HERC4: variants seen among roughly 807,000 people sequenced by gnomAD.
HERC4 encodes probable E3 ubiquitin-protein ligase HERC4.
Under a neutral mutation model 124.3 loss-of-function variants are expected in HERC4, and 28 were observed. The ratio of observed to expected loss-of-function variants is 0.23; its 90% confidence interval spans 0.17 to 0.31. The LOEUF (loss-of-function observed/expected upper bound fraction) is 0.31. Ranked by LOEUF, HERC4 falls within the 10% of genes least tolerant of loss-of-function variation. The pLI is 1.00. For missense variants in HERC4, 713 were observed against 1,229.3 expected, an observed-to-expected ratio of 0.58 and a Z score of 6.28; for synonymous variants, 407 against 421.5, an observed-to-expected ratio of 0.97 and a Z score of 0.42.
At chr10:68,012,803 A>C (rs542411) in intron 9 of HERC4, among the ~76,000 whole-genome samples, 71,286 of 152,116 alleles carry the variant, frequency 0.47, 20,738 homozygotes, top group Non-Finnish European at 0.66. Context: ...ATTTGTAAAA[A>C]TTCAGTATCA....
chr10:68,010,717 C>A, intron 9 of HERC4: 10 of 1,486,312 alleles, frequency 6.7e-6, no homozygotes, highest in Non-Finnish European at 8.3e-6. Context: ...GCTGTTGAGC[C>A]TCAAAGAGGC....
At chr10:68,040,333 CCT>C in intron 4 of HERC4, 1 of 953,564 alleles carries the variant, frequency 1.0e-6, no homozygotes, top group Non-Finnish European at 1.2e-6. Context: ...AAAACTATCC[CCT>C]TTCATCTTCA....
intron 4 of HERC4, chr10:68,039,957 C>G: frequency 2.4e-6 from 2 of 817,102 alleles, no homozygotes; most frequent in Non-Finnish European, 3.0e-6. Flanking sequence ...GCATTTATCG[C>G]TACTAACCAC....
In HERC4 at chr10:68,012,130, T is replaced by C. The variant is rs570221526; in HGVS notation, c.1069+1896A>G. 7.2e-5 allele frequency among the ~76,000 whole-genome samples: 11 copies of C among 152,358 alleles called. No individual in the cohort carries two copies. In the South Asian group the frequency reaches 2.3e-3, roughly 32 times the overall value. On this transcript the variant is annotated intron_variant, in intron 9 of 24. Coordinates refer to ENST00000373700, the MANE Select transcript of HERC4 (RefSeq NM_015601.4). ...CTTGAAGAGAGTTAGAATCTTGGTC[T>C]GGATTAGACTTTGGCTAATCCTAAT...
At chr10:68,057,288 T>A (rs1004213391) in intron 3 of HERC4, among the ~76,000 whole-genome samples, 2 of 152,098 alleles carry the variant, frequency 1.3e-5, no homozygotes, top group African/African-American at 4.8e-5. Flanking sequence ...AAACCATGCA[T>A]TCTACATTTT....
rs1564608843 is a variant in HERC4, at chr10:68,059,711, CATAATATTATATATTATATATCATA to C, written c.226+13147_226+13171del. On this transcript the variant is annotated intron_variant, in intron 3 of 24. Transcript: ENST00000373700. Reference sequence around the variant, plus strand: ...TATTATATATTATAATATTATATATCATAATATTATATATTATATATCATAATATTATATATTATAATATTATATA... The same window carrying C: ...TATTATATATTATAATATTATATATCATATTATATATTATAATATTATATA... Among the ~76,000 whole-genome samples, 42 of 42,424 alleles carry C rather than the reference CATAATATTATATATTATATATCATA, an allele frequency of 9.9e-4. 1 individual carries two copies. In the African/African-American group the frequency reaches 0.01, roughly 10 times the overall value. The allele number at this position is 42,424 out of a possible 152,430, so 27.8% of individuals were successfully genotyped here. A position where few individuals can be genotyped will look rare whatever the true frequency, so the allele number is the denominator to read the frequency against.
intron 6 of HERC4, 55 bp from the exon 7 acceptor site, chr10:68,032,924 G>T: frequency 2.2e-6 from 2 of 907,520 alleles, no homozygotes; most frequent in Non-Finnish European, 3.7e-6. Context: ...AACTCATCTA[G>T]ATGTGTTTCC....
intron 23 of HERC4, among the ~76,000 whole-genome samples, chr10:67,925,780 C>A (rs777748384): frequency 4.6e-5 from 7 of 152,182 alleles, no homozygotes; most frequent in Middle Eastern, 3.4e-3. Flanking sequence ...AACCAGTTGT[C>A]ATTTCATGAG....
intron 8 of HERC4, among the ~76,000 whole-genome samples, chr10:68,023,115 A>G (rs926194459): frequency 2.0e-5 from 3 of 152,190 alleles, no homozygotes; most frequent in African/African-American, 7.2e-5. Flanking sequence ...GGCAGTTACT[A>G]TGAGAAACAG....
rs565235274 is a variant in HERC4 at position 67,950,092 on chromosome 10, C to A, written c.2337+4503G>T. Among the ~76,000 whole-genome samples, 4 of 152,144 alleles carry A rather than the reference C, an allele frequency of 2.6e-5. No individual in the cohort carries two copies. In the South Asian group the frequency reaches 8.3e-4, roughly 32 times the overall value. On this transcript the variant is annotated intron_variant, in intron 19 of 24. Coordinates refer to ENST00000373700, the MANE Select transcript of HERC4 (RefSeq NM_015601.4). ...TACACAAAAGAGTATCTCCAATATT[C>A]TTTTATGATAAAAATGCTGAACAAA... is the stretch of plus-strand genomic sequence containing the variant.
At position 68,022,965 on chromosome 10, in the gene HERC4, C is replaced by T. The variant is rs1393077890; in HGVS notation, c.908+2581G>A. On this transcript the variant is annotated intron_variant, in intron 8 of 24. Transcript: ENST00000373700. The stretch of plus-strand genomic sequence containing the variant: ...ATCATTGGGAAAATGCAAATCAAAA[C>T]CACAGGAGATAACATGTTACACGTA... 6.0e-5 allele frequency among the ~76,000 whole-genome samples: 9 copies of T among 150,892 alleles called. No individual in the cohort carries two copies. In the South Asian group the frequency reaches 1.7e-3, roughly 28 times the overall value.
chr10:68,015,117 A>G (rs1242098195), intron 8 of HERC4, among the ~76,000 whole-genome samples: 2 of 152,242 alleles, frequency 1.3e-5, no homozygotes, highest in African/African-American at 4.8e-5. Flanking sequence ...TGCTTTGGCC[A>G]GCAGAAACAA....
At chr10:68,037,220 G>A (rs778199474) in intron 5 of HERC4, among the ~76,000 whole-genome samples, 6 of 150,096 alleles carry the variant, frequency 4.0e-5, no homozygotes, top group Non-Finnish European at 8.9e-5. Flanking sequence ...TCAGCCTCCC[G>A]AGTAGCTGGG....
At chr10:67,984,743 C>T (rs1250392865) in intron 15 of HERC4, among the ~76,000 whole-genome samples, 6 of 152,196 alleles carry the variant, frequency 3.9e-5, no homozygotes, top group Admixed American at 6.5e-5. Context: ...CCACCACGCT[C>T]AATTAATTTT....
chr10:68,006,715 C>T (rs982589774), intron 9 of HERC4, among the ~76,000 whole-genome samples: 2 of 152,056 alleles, frequency 1.3e-5, no homozygotes, highest in Admixed American at 1.3e-4. Context: ...GTCTTTATTT[C>T]TCCTTCACAT....
intron 16 of HERC4, chr10:67,959,188 G>C: frequency 6.7e-7 from 1 of 1,497,298 alleles, no homozygotes; most frequent in Non-Finnish European, 9.1e-7. Context: ...CAATATTAGT[G>C]TCCAAATTTA....
chr10:67,956,686 C>A, intron 17 of HERC4, 192 bp downstream of exon 17: 1 of 378,704 alleles, frequency 2.6e-6, no homozygotes. Context: ...TAAGTTATTC[C>A]ATTTTCACTG....
chr10:67,946,351 ACACACACACAC>A (rs2033340093), intron 19 of HERC4, among the ~76,000 whole-genome samples: 1 of 58,410 alleles, frequency 1.7e-5, no homozygotes, highest in Non-Finnish European at 3.4e-5. Context: ...AAACACAAAC[ACACACACACAC>A]ACACACACAC....
intron 3 of HERC4, among the ~76,000 whole-genome samples, chr10:68,063,075 T>C (rs949842310): frequency 1.3e-5 from 2 of 152,212 alleles, no homozygotes; most frequent in African/African-American, 4.8e-5. Context: ...CACTCTTGTT[T>C]ATACATCCTG....
Sources: allele counts gnomAD v4.1 joint callset (sites outside exome capture counted in the v4.1 genomes callset), GRCh38; gene constraint gnomAD v4.1.1; transcripts MANE v1.5; gene names NCBI Gene and HGNC (gene_info 2026-07-23, HGNC 2026-07-21).